ZNF783: variants seen among roughly 807,000 people sequenced by gnomAD.
ZNF783 encodes protein ZNF783.
ZNF783 carries 25 observed loss-of-function variants against 31.3 expected under a neutral mutation model. That is an observed-to-expected ratio of 0.80 (90% CI 0.58 to 1.11). ZNF783 has a LOEUF of 1.11. Among genes scored for constraint, ZNF783 ranks in the 50% most tolerant of loss-of-function variants. ZNF783 has a pLI of 0.00. For missense variants in ZNF783, 797 were observed against 760.0 expected (o/e 1.05, Z -0.57); for synonymous variants, 369 against 319.1 (o/e 1.16, Z -1.66).
At chr7:149,278,548 GGCAGGATGAACAGTGTCCCGAGGCA>G in intron 5 of ZNF783, 21 bp downstream of exon 5, 1 of 1,598,936 alleles carries the variant, frequency 6.3e-7, no homozygotes, top group Non-Finnish European at 8.5e-7. Flanking sequence ...ACAGTGAGGC[GGCAGGATGAACAGTGTCCCGAGGCA>G]GCACGCGATC....
chr7:149,282,042 A>G lies in ZNF783; in HGVS notation c.1340A>G (p.Gln447Arg), dbSNP rs1353283575. Residue 447 changes from glutamine to arginine, a missense_variant, in exon 6 of 6, where the codon CAG becomes CGG. Coordinates refer to ENST00000434415, the MANE Select transcript of ZNF783 (RefSeq NM_001195220.2). ...AGCGAGTGCCTGCGCTTCTTCCAGC[A>G]GCGCAAGAGCCTGCTGCTGCACCAG... ...HCSECLRFFQ[Q>R]RKSLLLHQRL... is the part of the protein sequence containing the mutation. The G allele has an allele frequency of 6.3e-7, 1 of 1,591,930 alleles. No individual in the cohort carries two copies. Among genetic ancestry groups the G allele is most frequent in the South Asian group, 1.1e-5 (1 of 90,264 alleles).
In ZNF783 at chr7:149,264,230, G is replaced by GT. The variant is rs138487241; in HGVS notation, c.24+1874dup. On this transcript the variant is annotated intron_variant, in intron 1 of 5. Transcript: ENST00000434415. ...GTACATTTACTATGATAGGTGTTCA[G>GT]TAATTGTTATTGAATGAATGAAGCA... Among the ~76,000 whole-genome samples, 556 of 152,314 alleles carry GT rather than the reference G, an allele frequency of 3.7e-3. 6 individuals are homozygous for GT. The highest frequency in any genetic ancestry group is 0.013 in the African/African-American group (530 of 41,570).
intron 4 of ZNF783, among the ~76,000 whole-genome samples, chr7:149,268,525 G>A (rs1023961824): frequency 6.6e-6 from 1 of 152,138 alleles, no homozygotes; most frequent in Non-Finnish European, 1.5e-5. Context: ...GCATACACCT[G>A]CGGGTTTGTT....
chr7:149,266,320 T>A lies in ZNF783; in HGVS notation c.25-15T>A, dbSNP rs1797062079. ...TAATTCTCATAACATCTCTCTTTTC[T>A]CTTCTTGTGAGCAGGACCCCGAGAC... On this transcript the variant is annotated splice_polypyrimidine_tract_variant and intron_variant, in intron 1 of 5. Coordinates refer to ENST00000434415, the MANE Select transcript of ZNF783 (RefSeq NM_001195220.2). 6.5e-7 allele frequency: 1 copy of A among 1,534,794 alleles called. No individual in the cohort carries two copies. Among genetic ancestry groups the A allele is most frequent in the East Asian group, 2.3e-5 (1 of 44,164 alleles).
Position 149,262,216 on chromosome 7 carries a change from C to A in ZNF783, c.-118C>A. Reference sequence around the variant, plus strand: ...GGCTCGGGACGCAGTTCGCTGCCGCCCGGCAGTAGCTCTCAGGTTAGGCGG... The same window carrying A: ...GGCTCGGGACGCAGTTCGCTGCCGCACGGCAGTAGCTCTCAGGTTAGGCGG... On this transcript the variant is annotated 5_prime_UTR_variant, in exon 1 of 6. Coordinates refer to ENST00000434415, the MANE Select transcript of ZNF783 (RefSeq NM_001195220.2). The A allele has an allele frequency of 1.0e-6, 1 of 954,136 alleles. No individual in the cohort carries two copies. Among genetic ancestry groups the A allele is most frequent in the Non-Finnish European group, 1.4e-6 (1 of 727,092 alleles). 59.1% of individuals were successfully genotyped at this position (954,136 alleles called of 1,614,324 possible). A position where few individuals can be genotyped will look rare whatever the true frequency, so the allele number is the denominator to read the frequency against.
In ZNF783 at chr7:149,262,250, C is replaced by G. The variant is rs1796941691; in HGVS notation, c.-84C>G. Reference sequence around the variant, plus strand: ...GCTCTCAGGTTAGGCGGGTCCCGCTCCGCTTCCGCCGTCGCTGCCGCGCCG... The same window carrying G: ...GCTCTCAGGTTAGGCGGGTCCCGCTGCGCTTCCGCCGTCGCTGCCGCGCCG... On this transcript the variant is annotated 5_prime_UTR_variant, in exon 1 of 6. Transcript: ENST00000434415. 1 of 1,254,440 alleles carries G rather than the reference C, an allele frequency of 8.0e-7. No individual in the cohort carries two copies. Among genetic ancestry groups the G allele is most frequent in the Admixed American group, 4.0e-5 (1 of 25,094 alleles). The allele number at this position is 1,254,440 out of a possible 1,614,324, so 77.7% of individuals were successfully genotyped here.
rs568515639 is a variant in ZNF783, at chr7:149,282,957, G to GGTTTTT, written c.*614_*615insGTTTTT. The stretch of plus-strand genomic sequence containing the variant: ...CGTCCACCAGCCTGTGGGTCTTTTG[G>GGTTTTT]TTTTTTTTTTGTTGTTGTTGTTGTT... On this transcript the variant is annotated 3_prime_UTR_variant, in exon 6 of 6. Coordinates refer to ENST00000434415, the MANE Select transcript of ZNF783 (RefSeq NM_001195220.2). The GGTTTTT allele has an allele frequency of 2.2e-5, 3 of 134,350 alleles. No individual in the cohort carries two copies. Among genetic ancestry groups the GGTTTTT allele is most frequent in the East Asian group, 4.3e-4 (2 of 4,664 alleles). 8.3% of individuals were successfully genotyped at this position (134,350 alleles called of 1,614,324 possible). A position where few individuals can be genotyped will look rare whatever the true frequency, so the allele number is the denominator to read the frequency against.
chr7:149,268,210 C>G (rs1303910641), intron 4 of ZNF783, among the ~76,000 whole-genome samples: 1 of 152,146 alleles, frequency 6.6e-6, no homozygotes, highest in Non-Finnish European at 1.5e-5. Context: ...GACCACATAC[C>G]ATGATCACAC....
At position 149,263,304 on chromosome 7, in the gene ZNF783, GTATATATA is replaced by G. The variant is rs59725451; in HGVS notation, c.24+961_24+968del. Reference sequence around the variant, plus strand: ...TGTGTGTGTGTGTGTGTGTGTGTGTGTATATATATATATATATATATTTTTTTTTTAGA... The same window carrying G: ...TGTGTGTGTGTGTGTGTGTGTGTGTGTATATATATATATTTTTTTTTTAGA... On this transcript the variant is annotated intron_variant, in intron 1 of 5. Coordinates refer to ENST00000434415, the MANE Select transcript of ZNF783 (RefSeq NM_001195220.2). 2.1e-3 allele frequency among the ~76,000 whole-genome samples: 132 copies of G among 64,316 alleles called. 2 individuals carry two copies. The highest frequency in any genetic ancestry group is 7.7e-3 in the Middle Eastern group (1 of 130). 42.2% of individuals were successfully genotyped at this position (64,316 alleles called of 152,430 possible).
At chr7:149,279,061 C>G (rs904045968) in intron 5 of ZNF783, among the ~76,000 whole-genome samples, 3 of 152,244 alleles carry the variant, frequency 2.0e-5, no homozygotes, top group Non-Finnish European at 4.4e-5. Context: ...CACTTGCAAA[C>G]AGTCCAGAGC....
Position 149,281,508 on chromosome 7 carries a change from G to T in ZNF783, c.806G>T (p.Gly269Val), listed in dbSNP as rs373756402. 6.4e-5 allele frequency: 92 copies of T among 1,442,532 alleles called. No homozygotes were observed. The African/African-American group carries it at 1.2e-3, about 18-fold the overall frequency. 89.4% of individuals were successfully genotyped at this position (1,442,532 alleles called of 1,614,324 possible). Residue 269 changes from glycine (G) to valine (V), a missense_variant, in exon 6 of 6, where the codon GGT (glycine) becomes GTT (valine). Physicochemically the swap from Gly to Val is moderately radical, Grantham distance 109. Transcript: ENST00000434415. ...CCAACATAGACTCCTTTGCCAGGTG[G>T]TGGTGTGGCCATCAAGACAGAGGCA... ...RVAPAGPEAG[G>V]GVAIKTEAQS...
chr7:149,263,206 C>G (rs1054888755), intron 1 of ZNF783, among the ~76,000 whole-genome samples: 1 of 151,074 alleles, frequency 6.6e-6, no homozygotes, highest in African/African-American at 2.4e-5. Flanking sequence ...GGATTACAGA[C>G]GAGAGCTACC....
intron 5 of ZNF783, among the ~76,000 whole-genome samples, chr7:149,280,615 A>T (rs922626606): frequency 6.6e-6 from 1 of 152,194 alleles, no homozygotes; most frequent in African/African-American, 2.4e-5. Context: ...ATCAGATCCC[A>T]GGCATGTGGT....
intron 4 of ZNF783, among the ~76,000 whole-genome samples, chr7:149,275,438 G>C (rs1447605973): frequency 6.6e-6 from 1 of 151,502 alleles, no homozygotes; most frequent in Non-Finnish European, 1.5e-5. Flanking sequence ...TCAGCCTCCC[G>C]AGTAGCTGGG....
In ZNF783 at chr7:149,262,407, C is replaced by T. The variant is rs1796946880; in HGVS notation, c.24+50C>T. On this transcript the variant is annotated intron_variant, in intron 1 of 5. Coordinates refer to ENST00000434415, the MANE Select transcript of ZNF783 (RefSeq NM_001195220.2). Reference sequence around the variant, plus strand: ...GCCCGGAAGGCCCAGGCCGCCGCCGCGTGAGCCCGCGCGAGGGACTCTGGC... The same window carrying T: ...GCCCGGAAGGCCCAGGCCGCCGCCGTGTGAGCCCGCGCGAGGGACTCTGGC... 5.8e-6 allele frequency: 7 copies of T among 1,204,750 alleles called. No individual in the cohort carries two copies. The East Asian group carries it at 2.5e-4, about 43-fold the overall frequency. 74.6% of individuals were successfully genotyped at this position (1,204,750 alleles called of 1,614,324 possible).
intron 1 of ZNF783, among the ~76,000 whole-genome samples, chr7:149,263,304 G>GTGTGTGTA (rs1459712064): frequency 3.1e-5 from 2 of 64,292 alleles, no homozygotes; most frequent in South Asian, 4.9e-4. Flanking sequence ...GTGTGTGTGT[G>GTGTGTGTA]TATATATATA....
At position 149,281,657 on chromosome 7, in the gene ZNF783, G is replaced by C. The variant is rs558050239; in HGVS notation, c.955G>C (p.Gly319Arg). 1 of 1,527,162 alleles carries C rather than the reference G, an allele frequency of 6.5e-7. No homozygotes were observed. The highest frequency in any genetic ancestry group is 8.7e-7 in the Non-Finnish European group (1 of 1,149,128). The allele number at this position is 1,527,162 out of a possible 1,614,324, so 94.6% of individuals were successfully genotyped here. A position where few individuals can be genotyped will look rare whatever the true frequency, so the allele number is the denominator to read the frequency against. Residue 319 changes from glycine to arginine, a missense_variant, in exon 6 of 6, where the codon GGC becomes CGC. Transcript: ENST00000434415. ...GGGCCCCAGCCGTCATCAGGCCCAG[G>C]GCATGCCCAGGGTGCGGGCAGGGGA... ...PGGPSRHQAQGMPRVRAGEPR... is the reference protein window; with the variant it reads ...PGGPSRHQAQRMPRVRAGEPR...
At chr7:149,279,563 C>T (rs889607242) in intron 5 of ZNF783, among the ~76,000 whole-genome samples, 34 of 150,774 alleles carry the variant, frequency 2.3e-4, no homozygotes, top group Admixed American at 1.8e-3. Flanking sequence ...GTCCAGCAGC[C>T]GGTGTTGGGA....
chr7:149,279,632 GTTT>G (rs764203926), intron 5 of ZNF783, among the ~76,000 whole-genome samples: 2,485 of 100,350 alleles, frequency 0.025, 81 homozygotes, highest in African/African-American at 0.086. Flanking sequence ...TTTTATCTTT[GTTT>G]TTTTTTTTTT....
Sources: allele counts gnomAD v4.1 joint callset (sites outside exome capture counted in the v4.1 genomes callset), GRCh38; gene constraint gnomAD v4.1.1; transcripts MANE v1.5; gene names NCBI Gene and HGNC (gene_info 2026-07-23, HGNC 2026-07-21).